ZNF862: variants seen among roughly 807,000 people sequenced by gnomAD.
ZNF862 encodes the protein zinc finger protein 862.
In ZNF862, 64 loss-of-function variants were observed where a neutral mutation model predicts 91.1. The ratio of observed to expected loss-of-function variants is 0.70; its 90% confidence interval spans 0.57 to 0.87. The LOEUF is 0.87. ZNF862 is among the 40% of genes least tolerant of loss of function. The probability of loss-of-function intolerance (pLI) is 0.00; values close to 1 mark genes in which losing one functional copy is unlikely to be tolerated. For synonymous variants in ZNF862, 631 were observed against 618.1 expected (o/e 1.02, Z -0.31); for missense variants, 1,459 against 1,528.0 (o/e 0.95, Z 0.75).
At position 149,850,763 on chromosome 7, in the gene ZNF862, A is replaced by T. The variant is rs2128938030; in HGVS notation, c.1117+425A>T. 6.0e-6 allele frequency: 1 copy of T among 165,296 alleles called. No individual in the cohort carries two copies. The highest frequency in any genetic ancestry group is 2.4e-5 in the African/African-American group (1 of 41,680). The allele number at this position is 165,296 out of a possible 1,614,324, so 10.2% of individuals were successfully genotyped here. A position where few individuals can be genotyped will look rare whatever the true frequency, so the allele number is the denominator to read the frequency against. ...TTCCTGGGCATTGGTGGGAGGAATC[A>T]GGAAGCCTTTATAGAGTAGGAAATG... On this transcript the variant is annotated intron_variant, in intron 5 of 7. Coordinates refer to ENST00000223210, the MANE Select transcript of ZNF862 (RefSeq NM_001099220.3). The surrounding 1 kb of genome is among the most constrained non-coding windows in gnomAD (Gnocchi z 4.2).
At position 149,862,479 on chromosome 7, in the gene ZNF862, G is replaced by T. The variant is rs368474219; in HGVS notation, c.3319G>T (p.Ala1107Ser). Residue 1107 changes from alanine (A) to serine (S), a missense_variant, in exon 7 of 8, where the codon GCC (alanine) becomes TCC (serine). Coordinates refer to ENST00000223210, the MANE Select transcript of ZNF862 (RefSeq NM_001099220.3). Reference sequence around the variant, plus strand: ...TGTCTACACCTGTGCCCAGGTGCCAGCCCGCTCCCCTGCAAGTAAGTACAC... The same window carrying T: ...TGTCTACACCTGTGCCCAGGTGCCATCCCGCTCCCCTGCAAGTAAGTACAC... ...SHVYTCAQVP[A>S]RSPASARLRK... 141 of 1,591,546 alleles carry T rather than the reference G, an allele frequency of 8.9e-5. No homozygotes were observed. Among genetic ancestry groups the T allele is most frequent in the Non-Finnish European group, 1.1e-4 (127 of 1,165,528 alleles).
At chr7:149,859,361 AG>A (rs1361114709) in intron 5 of ZNF862, 60 bp from the exon 6 acceptor site, 11 of 1,388,196 alleles carry the variant, frequency 7.9e-6, no homozygotes, top group African/African-American at 2.9e-5. Context: ...GTCTAGCTTG[AG>A]GGGGCTACTC....
At chr7:149,844,363 G>A (rs1801801413) in intron 1 of ZNF862, among the ~76,000 whole-genome samples, 1 of 152,178 alleles carries the variant, frequency 6.6e-6, no homozygotes, top group African/African-American at 2.4e-5. Context: ...CGGGTGAAGA[G>A]CACACAGGGA....
chr7:149,854,317 G>C (rs892886096), intron 5 of ZNF862, among the ~76,000 whole-genome samples: 2 of 152,154 alleles, frequency 1.3e-5, no homozygotes, highest in Non-Finnish European at 2.9e-5. Context: ...GACAGAGAAA[G>C]GCTGGCAAAC....
In ZNF862 at chr7:149,839,570, C is replaced by T. The variant is rs528041004; in HGVS notation, c.24+935C>T. On this transcript the variant is annotated intron_variant, in intron 1 of 7. Transcript: ENST00000223210. ...AGTTTTCACTTCAATAACTTGGACA[C>T]GCCTGAAAGGGTTGTCCCACACGAA... Among the ~76,000 whole-genome samples the T allele has an allele frequency of 9.9e-5, 15 of 152,282 alleles. No homozygotes were observed. The South Asian group carries it at 2.9e-3, about 29-fold the overall frequency.
In ZNF862 at chr7:149,866,056, G is replaced by C. The variant is rs1586080630; in HGVS notation, c.*1772G>C. ...TCCGAGCCCCTCCCTGGTACCGCAG[G>C]TACCCTGGTACCCCACCTGCCCTTT... On this transcript the variant is annotated 3_prime_UTR_variant, in exon 8 of 8. Coordinates refer to ENST00000223210, the MANE Select transcript of ZNF862 (RefSeq NM_001099220.3). The C allele has an allele frequency of 6.6e-6, 1 of 152,128 alleles. No homozygotes were observed. Among genetic ancestry groups the C allele is most frequent in the Non-Finnish European group, 1.5e-5 (1 of 68,046 alleles). The allele number at this position is 152,128 out of a possible 1,614,324, so 9.4% of individuals were successfully genotyped here.
At chr7:149,857,570 A>G (rs777837735) in intron 5 of ZNF862, among the ~76,000 whole-genome samples, 1 of 152,022 alleles carries the variant, frequency 6.6e-6, no homozygotes, top group Non-Finnish European at 1.5e-5. Flanking sequence ...CTTTCATGTT[A>G]GAGGCTTTTC....
Position 149,866,113 on chromosome 7 carries a change from G to A in ZNF862, c.*1829G>A, listed in dbSNP as rs1802711448. The A allele has an allele frequency of 6.6e-6, 1 of 152,220 alleles. No individual in the cohort carries two copies. Among genetic ancestry groups the A allele is most frequent in the South Asian group, 2.1e-4 (1 of 4,822 alleles). The allele number at this position is 152,220 out of a possible 1,614,324, so 9.4% of individuals were successfully genotyped here. ...CACCCCAGTACTTAGCCTTAGCACT[G>A]TTGCTTTCGTGTCATTTTCAGTTCT... On this transcript the variant is annotated 3_prime_UTR_variant, in exon 8 of 8. Transcript: ENST00000223210.
Position 149,865,538 on chromosome 7 carries a change from CCG to C in ZNF862, c.*1255_*1256del, listed in dbSNP as rs3214231. On this transcript the variant is annotated 3_prime_UTR_variant, in exon 8 of 8. Coordinates refer to ENST00000223210, the MANE Select transcript of ZNF862 (RefSeq NM_001099220.3). ...CTGCTAGGTTCACACCCTCCTCGCC[CCG>C]ATCTTCCTTCCACCTAAAGTGAAGC... 0.62 allele frequency: 94,315 copies of C among 151,878 alleles called. 29,904 individuals are homozygous for C. Among genetic ancestry groups the C allele is most frequent in the African/African-American group, 0.72 (29,997 of 41,376 alleles). The allele number at this position is 151,878 out of a possible 1,614,324, so 9.4% of individuals were successfully genotyped here.
At chr7:149,849,294 C>G (rs959951178) in intron 4 of ZNF862, among the ~76,000 whole-genome samples, 4 of 152,206 alleles carry the variant, frequency 2.6e-5, no homozygotes, top group Non-Finnish European at 4.4e-5. Context: ...CTCTTGTAGT[C>G]AGTGCCAGAA....
In ZNF862 at chr7:149,861,439, C is replaced by T; in HGVS notation, c.2279C>T (p.Ser760Leu). 1 of 1,613,460 alleles carries T rather than the reference C, an allele frequency of 6.2e-7. No homozygotes were observed. Among genetic ancestry groups the T allele is most frequent in the Non-Finnish European group, 8.5e-7 (1 of 1,179,900 alleles). Residue 760 changes from serine (S) to leucine (L), a missense_variant, in exon 7 of 8, where the codon TCA becomes TTA. Transcript: ENST00000223210. The surrounding 1 kb of genome is among the most constrained non-coding windows in gnomAD (Gnocchi z 6.7). ...IRTVFKFYQS[S>L]NKRLNELQEG... Reference sequence around the variant, plus strand: ...ACCGTCTTCAAGTTTTATCAGTCCTCAAACAAGAGGCTGAACGAGCTGCAG... The same window carrying T: ...ACCGTCTTCAAGTTTTATCAGTCCTTAAACAAGAGGCTGAACGAGCTGCAG...
In ZNF862 at chr7:149,861,461, G is replaced by C; in HGVS notation, c.2301G>C (p.Leu767=). The stretch of plus-strand genomic sequence containing the variant: ...CCTCAAACAAGAGGCTGAACGAGCT[G>C]CAGGAAGGTGCGGCGCCTCTGGAGC... ...YQSSNKRLNE[L]QEGAAPLEQE... The change falls in exon 7 of 8, where the codon CTG becomes CTC. Residue 767 remains leucine (L), a synonymous_variant. Transcript: ENST00000223210. This position sits in a 1 kb window ranked among gnomAD's most constrained non-coding sequence, Gnocchi z 6.7. The C allele has an allele frequency of 2.5e-6, 4 of 1,613,450 alleles. No homozygotes were observed. Among genetic ancestry groups the C allele is most frequent in the Non-Finnish European group, 3.4e-6 (4 of 1,179,870 alleles).
chr7:149,845,089 G>T, intron 2 of ZNF862: 1 of 229,426 alleles, frequency 4.4e-6, no homozygotes, highest in Non-Finnish European at 8.6e-6. Flanking sequence ...GTAGGAAGCA[G>T]TGGTGGCAAG....
intron 3 of ZNF862, among the ~76,000 whole-genome samples, chr7:149,846,661 T>C (rs894487893): frequency 6.6e-6 from 1 of 152,192 alleles, no homozygotes; most frequent in African/African-American, 2.4e-5. Context: ...CTTTCCTCTT[T>C]TGATAAGACC....
At chr7:149,859,693 C>T (rs1255909357) in intron 6 of ZNF862, 167 bp downstream of exon 6, 1 of 609,520 alleles carries the variant, frequency 1.6e-6, no homozygotes, top group African/African-American at 1.9e-5. Flanking sequence ...TAACCCTGCC[C>T]ACAGAGTGTA....
intron 1 of ZNF862, among the ~76,000 whole-genome samples, chr7:149,844,065 C>T (rs768214230): frequency 1.3e-5 from 2 of 152,070 alleles, no homozygotes; most frequent in Non-Finnish European, 2.9e-5. Flanking sequence ...ATTAAATGGG[C>T]TTGTTTAATC....
rs1360193797 is a variant in ZNF862 at position 149,861,728 on chromosome 7, G to A, written c.2568G>A (p.Glu856=). 6.2e-7 allele frequency: 1 copy of A among 1,613,546 alleles called. No homozygotes were observed. Among genetic ancestry groups the A allele is most frequent in the Admixed American group, 1.7e-5 (1 of 59,994 alleles). ...DFLSIYRPLS[E]VCQKEIVLIT... ...TGAGCATCTACAGGCCTCTGTCCGA[G>A]GTGTGCCAGAAGGAGATCGTGCTGA... Residue 856 remains glutamate (E), a synonymous_variant, in exon 7 of 8, where the codon GAG becomes GAA. Coordinates refer to ENST00000223210, the MANE Select transcript of ZNF862 (RefSeq NM_001099220.3). The surrounding 1 kb of genome is among the most constrained non-coding windows in gnomAD (Gnocchi z 6.7).
rs375603687 is a variant in ZNF862, at chr7:149,848,097, T to C, written c.604T>C (p.Cys202Arg). The C allele has an allele frequency of 5.6e-6, 9 of 1,613,964 alleles. No individual in the cohort carries two copies. The Admixed American group carries it at 6.7e-5, about 12-fold the overall frequency. The change falls in exon 4 of 8, where the codon TGT (cysteine) becomes CGT (arginine). Residue 202 changes from cysteine (C) to arginine (R), a missense_variant. Coordinates refer to ENST00000223210, the MANE Select transcript of ZNF862 (RefSeq NM_001099220.3). ...YHAKSKAHMF[C>R]VNALAARDPI... ...CGCGAAGAGCAAGGCCCACATGTTC[T>C]GTGTCAATGCCTTGGCAGCGAGGGA... is the stretch of plus-strand genomic sequence containing the variant.
At chr7:149,853,979 C>T (rs1262546326) in intron 5 of ZNF862, among the ~76,000 whole-genome samples, 3 of 152,064 alleles carry the variant, frequency 2.0e-5, no homozygotes, top group Non-Finnish European at 4.4e-5. Context: ...CCTGTCCCAC[C>T]TTTCTCTTTT....
Sources: allele counts gnomAD v4.1 joint callset (sites outside exome capture counted in the v4.1 genomes callset), GRCh38; gene constraint gnomAD v4.1.1; non-coding constraint Gnocchi (gnomAD v3.1); transcripts MANE v1.5; gene names NCBI Gene and HGNC (gene_info 2026-07-23, HGNC 2026-07-21).